APOO: variants seen among roughly 807,000 people sequenced by gnomAD.
APOO encodes apolipoprotein O.
In APOO, 11 loss-of-function variants were observed where a neutral mutation model predicts 23.1. The ratio of observed to expected loss-of-function variants is 0.48; its 90% confidence interval spans 0.30 to 0.79. APOO has a LOEUF of 0.79. Ranked by LOEUF, APOO falls within the 30% of genes least tolerant of loss-of-function variation. APOO has a pLI of 0.07. For synonymous variants in APOO, 59 were observed against 54.8 expected (o/e 1.08, Z -0.34); for missense variants, 160 against 142.7 (o/e 1.12, Z -0.62).
chrX:23,855,844 T>A, intron 7 of APOO, among the ~76,000 whole-genome samples: 1 of 111,872 alleles, frequency 8.9e-6, no homozygotes, highest in Non-Finnish European at 1.9e-5. Flanking sequence ...CACCCTCAGC[T>A]GAGCTGAGAA....
intron 4 of APOO, among the ~76,000 whole-genome samples, chrX:23,869,107 C>A (rs966355585): frequency 1.1e-4 from 12 of 109,311 alleles, no homozygotes; most frequent in African/African-American, 4.0e-4. Flanking sequence ...TGGGGTTTCA[C>A]CATGTTGGCC....
In APOO at chrX:23,858,705, C is replaced by T. The variant is rs1174003432; in HGVS notation, c.417G>A (p.Pro139=). The T allele has an allele frequency of 8.3e-6, 10 of 1,210,035 alleles. No individual in the cohort carries two copies. The highest frequency in any genetic ancestry group is 2.2e-5 in the Admixed American group (1 of 45,807). ...AGGCAGCTAATCCCATGAAACCAGG[C>T]GGATACACTAGCTTCTTTATTTTTG... ...RGSKIKKLVY[P]PGFMGLAASL... The change falls in exon 6 of 9, where the codon CCG becomes CCA. Residue 139 remains proline (P), a synonymous_variant. Transcript: ENST00000379226.
intron 7 of APOO, among the ~76,000 whole-genome samples, chrX:23,842,901 G>A (rs1924056310): frequency 9.0e-6 from 1 of 111,660 alleles, no homozygotes; most frequent in African/African-American, 3.3e-5. Flanking sequence ...CCAGCTGCTC[G>A]GGAGGCTGAA....
chrX:23,838,442 G>A (rs906514668), intron 8 of APOO, among the ~76,000 whole-genome samples: 2 of 106,887 alleles, frequency 1.9e-5, no homozygotes, highest in Non-Finnish European at 3.8e-5. Context: ...TTGAGACAGA[G>A]TTTCACTCTT....
At chrX:23,888,668 CACTGAA>C (rs913205570) in intron 1 of APOO, among the ~76,000 whole-genome samples, 9 of 109,722 alleles carry the variant, frequency 8.2e-5, no homozygotes, top group African/African-American at 2.7e-4. Flanking sequence ...CTGGCCAACA[CACTGAA>C]ACTCCATCTC....
intron 7 of APOO, among the ~76,000 whole-genome samples, chrX:23,855,960 A>G (rs1016964366): frequency 1.8e-5 from 2 of 112,208 alleles, no homozygotes; most frequent in Non-Finnish European, 3.8e-5. Flanking sequence ...TCCTGGGAGC[A>G]TAGTACATTC....
At chrX:23,835,883 C>T (rs1485849171) in intron 8 of APOO, among the ~76,000 whole-genome samples, 1 of 111,953 alleles carries the variant, frequency 8.9e-6, no homozygotes. Flanking sequence ...TTTTCCCCTC[C>T]CAGCTCAATC....
chrX:23,895,366 T>C (rs1926853225), intron 1 of APOO, among the ~76,000 whole-genome samples: 1 of 111,469 alleles, frequency 9.0e-6, no homozygotes. Flanking sequence ...TGGATGAAGC[T>C]AGAAACCATC....
chrX:23,854,595 A>T (rs1924696967), intron 7 of APOO, among the ~76,000 whole-genome samples: 1 of 111,385 alleles, frequency 9.0e-6, no homozygotes, highest in South Asian at 3.7e-4. Flanking sequence ...ATCTTGGCTG[A>T]CTGCAACCTC....
At chrX:23,874,973 G>C (rs993020864) in intron 3 of APOO, among the ~76,000 whole-genome samples, 1 of 111,872 alleles carries the variant, frequency 8.9e-6, no homozygotes, top group Non-Finnish European at 1.9e-5. Context: ...TTTGTGGCCA[G>C]GCATGATGGC....
chrX:23,876,909 T>G (rs1292337160), intron 3 of APOO, among the ~76,000 whole-genome samples: 1 of 112,690 alleles, frequency 8.9e-6, no homozygotes, highest in Non-Finnish European at 1.9e-5. Context: ...TTTCTACTCA[T>G]AAAGGCTTTG....
chrX:23,867,109 T>TAAACG (rs57271337), intron 5 of APOO, among the ~76,000 whole-genome samples: 1,088 of 104,350 alleles, frequency 0.01, 7 homozygotes, highest in Middle Eastern at 0.014. Context: ...CAAATTAAGC[T>TAAACG]AAACGAAACG....
chrX:23,894,546 G>A (rs747600766), intron 1 of APOO, among the ~76,000 whole-genome samples: 1 of 112,011 alleles, frequency 8.9e-6, no homozygotes, highest in Non-Finnish European at 1.9e-5. Context: ...CTGTAATCCA[G>A]CACTTTGGAA....
At chrX:23,849,762 T>G (rs1466197669) in intron 7 of APOO, among the ~76,000 whole-genome samples, 1 of 107,005 alleles carries the variant, frequency 9.3e-6, no homozygotes, top group Non-Finnish European at 1.9e-5. Flanking sequence ...GGCGGTGGCG[T>G]GCGCCTGCAG....
At chrX:23,890,966 T>C (rs1414307526) in intron 1 of APOO, among the ~76,000 whole-genome samples, 2 of 111,673 alleles carry the variant, frequency 1.8e-5, no homozygotes, top group Non-Finnish European at 3.8e-5. Flanking sequence ...AGACCACCAA[T>C]AGCCTCCCAG....
At chrX:23,871,303 T>C (rs1339835850) in intron 4 of APOO, among the ~76,000 whole-genome samples, 4 of 96,046 alleles carry the variant, frequency 4.2e-5, no homozygotes, top group Admixed American at 2.4e-4. Context: ...GCGGAGCTTG[T>C]AGTGAGCCGA....
At chrX:23,877,666 T>C (rs1343403066) in intron 3 of APOO, among the ~76,000 whole-genome samples, 9 of 108,239 alleles carry the variant, frequency 8.3e-5, no homozygotes, top group African/African-American at 3.0e-4. Context: ...CCCAGCTACT[T>C]GGGAGGCTGA....
chrX:23,902,641 A>G (rs1002077385), intron 1 of APOO, among the ~76,000 whole-genome samples: 10 of 112,114 alleles, frequency 8.9e-5, no homozygotes, highest in African/African-American at 2.9e-4. Flanking sequence ...TAATCCACCA[A>G]TGCCCCCTAG....
chrX:23,834,386 ACT>A (rs1417892050), intron 8 of APOO, among the ~76,000 whole-genome samples: 2 of 95,561 alleles, frequency 2.1e-5, no homozygotes, highest in African/African-American at 8.3e-5. Context: ...ACAGAGCAAA[ACT>A]CTGTCTCAAA....
Sources: allele counts gnomAD v4.1 joint callset (sites outside exome capture counted in the v4.1 genomes callset), GRCh38; gene constraint gnomAD v4.1.1; transcripts MANE v1.5; gene names NCBI Gene and HGNC (gene_info 2026-07-23, HGNC 2026-07-21).